The following BCLAF3 variants were observed in gnomAD, a reference collection of about 807,000 sequenced individuals.
BCLAF3 encodes the protein BCLAF1 and THRAP3 family member 3.
A neutral mutation model predicts 51.2 loss-of-function variants in BCLAF3; 24 were observed. The ratio of observed to expected loss-of-function variants is 0.47; its 90% confidence interval spans 0.34 to 0.66. BCLAF3 has a LOEUF of 0.66. Ranked by LOEUF, BCLAF3 falls within the 30% of genes least tolerant of loss-of-function variation. The pLI is 0.01. For synonymous variants in BCLAF3, 152 were observed against 176.6 expected (o/e 0.86, Z 1.10); for missense variants, 465 against 525.1 (o/e 0.89, Z 1.12).
chrX:19,917,694 C>T (rs753681120), intron 11 of BCLAF3, among the ~76,000 whole-genome samples: 15 of 111,872 alleles, frequency 1.3e-4, no homozygotes, highest in Non-Finnish European at 2.8e-4. Flanking sequence ...ACACTACACA[C>T]GCACACCTCA....
intron 10 of BCLAF3, among the ~76,000 whole-genome samples, chrX:19,932,058 A>T (rs189494736): frequency 8.9e-6 from 1 of 112,592 alleles, no homozygotes; most frequent in African/African-American, 3.2e-5. Context: ...TATACCTTTA[A>T]AATAGCAGCC....
At chrX:19,971,499 A>C (rs761054101) in intron 1 of BCLAF3, among the ~76,000 whole-genome samples, 9 of 112,905 alleles carry the variant, frequency 8.0e-5, no homozygotes, top group African/African-American at 2.6e-4. Context: ...GCTAAAACAA[A>C]TAATGTCAAA....
chrX:19,930,670 A>G (rs1228929783), intron 10 of BCLAF3: 1 of 170,078 alleles, frequency 5.9e-6, no homozygotes, highest in Admixed American at 6.7e-5. Flanking sequence ...TCAAAAAAAC[A>G]AAACAAAACT....
At chrX:19,928,544 T>C (rs928580454) in intron 11 of BCLAF3, among the ~76,000 whole-genome samples, 13 of 110,843 alleles carry the variant, frequency 1.2e-4, no homozygotes, top group Admixed American at 2.9e-4. Flanking sequence ...GATCGTGCCA[T>C]TGTACTCCAG....
At chrX:19,928,036 C>A (rs890191764) in intron 11 of BCLAF3, among the ~76,000 whole-genome samples, 4 of 102,894 alleles carry the variant, frequency 3.9e-5, no homozygotes, top group Non-Finnish European at 7.9e-5. Context: ...CCACCATGCC[C>A]AGTTTATTAT....
At chrX:19,969,506 T>C (rs2147979248) in intron 2 of BCLAF3, among the ~76,000 whole-genome samples, 1 of 112,415 alleles carries the variant, frequency 8.9e-6, no homozygotes, top group African/African-American at 3.2e-5. Context: ...TAAAATTGTT[T>C]TCATCTCTTC....
chrX:19,917,867 A>C (rs1238644781), intron 11 of BCLAF3, among the ~76,000 whole-genome samples: 1 of 111,878 alleles, frequency 8.9e-6, no homozygotes, highest in Non-Finnish European at 1.9e-5. Context: ...CAATAAATAC[A>C]GGAAGAAGAA....
rs776870029 is a variant in BCLAF3, at chrX:19,935,218, C to CT, written c.1950+590dup. The CT allele has an allele frequency of 7.8e-4, 86 of 110,528 alleles. 1 individual carries two copies. The highest frequency in any genetic ancestry group is 2.8e-3 in the African/African-American group (85 of 30,432). The allele number at this position is 110,528 out of a possible 1,213,427, so 9.1% of individuals were successfully genotyped here. On this transcript the variant is annotated intron_variant, in intron 10 of 11. Transcript: ENST00000379682. ...AAAAAATGAAATATAATACCTTGTA[C>CT]TATAATTCTTACTCCATATATTTGG...
intron 1 of BCLAF3, among the ~76,000 whole-genome samples, 71 bp downstream of exon 1, chrX:19,990,837 C>G (rs1163504705): frequency 1.8e-5 from 2 of 110,671 alleles, no homozygotes; most frequent in Admixed American, 1.9e-4. Context: ...AGAACCGCCC[C>G]TCCTGGGTGG....
Position 19,970,149 on chromosome X carries a change from T to C in BCLAF3, c.41+75A>G. On this transcript the variant is annotated intron_variant, in intron 2 of 11. Transcript: ENST00000379682. ...AATAACCAGGTCCCATGAGCTTAAG[T>C]GTTTACTAGTACTGGTGAAATTGAA... The C allele has an allele frequency of 3.5e-6, 3 of 858,791 alleles. No individual in the cohort carries two copies. The South Asian group carries it at 6.1e-5, about 17-fold the overall frequency. 70.8% of individuals were successfully genotyped at this position (858,791 alleles called of 1,213,427 possible).
intron 11 of BCLAF3, 106 bp downstream of exon 11, chrX:19,929,679 G>C: frequency 1.3e-6 from 1 of 787,694 alleles, no homozygotes; most frequent in Non-Finnish European, 1.8e-6. Flanking sequence ...TAAAAACCCA[G>C]GTTGTTTCTT....
chrX:19,941,703 T>A (rs376221668), intron 8 of BCLAF3, among the ~76,000 whole-genome samples: 1 of 108,258 alleles, frequency 9.2e-6, no homozygotes, highest in East Asian at 2.9e-4. Context: ...AGTCAGGTAG[T>A]GTGATGCCTC....
intron 1 of BCLAF3, among the ~76,000 whole-genome samples, chrX:19,973,240 A>G (rs1156460182): frequency 8.9e-6 from 1 of 111,831 alleles, no homozygotes; most frequent in East Asian, 2.8e-4. Context: ...TAATCTTGAA[A>G]CATACATGTT....
rs1432164737 is a variant in BCLAF3, at chrX:19,914,395, G to A, written c.*2910C>T. The A allele has an allele frequency of 9.1e-6, 1 of 110,292 alleles. No individual in the cohort carries two copies. Among genetic ancestry groups the A allele is most frequent in the Non-Finnish European group, 1.9e-5 (1 of 52,937 alleles). 9.1% of individuals were successfully genotyped at this position (110,292 alleles called of 1,213,427 possible). On this transcript the variant is annotated 3_prime_UTR_variant, in exon 12 of 12. Transcript: ENST00000379682. ...CTTCCTTCCTTGCTTGGTTGTTCCT[G>A]GTGAATTTGTGCCTGGTGGTTACTG...
chrX:19,971,362 C>T lies in BCLAF3; in HGVS notation c.-34-1064G>A, dbSNP rs192306980. Among the ~76,000 whole-genome samples, 40 of 112,344 alleles carry T rather than the reference C, an allele frequency of 3.6e-4. No individual in the cohort carries two copies. The East Asian group carries it at 3.6e-3, about 10-fold the overall frequency. On this transcript the variant is annotated intron_variant, in intron 1 of 11. Transcript: ENST00000379682. ...CCTCCCAAAGTGCTGGGATTACAGG[C>T]GTGAGCTACCACATCCGGTCAGAAT...
At chrX:19,965,944 C>A in intron 3 of BCLAF3, 136 bp downstream of exon 3, 2 of 607,141 alleles carry the variant, frequency 3.3e-6, no homozygotes, top group Non-Finnish European at 5.1e-6. Context: ...CTACCAGTAC[C>A]CCATAATTAA....
At chrX:19,960,045 C>T (rs1404024375) in intron 4 of BCLAF3, among the ~76,000 whole-genome samples, 4 of 111,798 alleles carry the variant, frequency 3.6e-5, no homozygotes, top group Non-Finnish European at 1.9e-5. Context: ...ATCTGCCTGC[C>T]TCAGCCTCCC....
At chrX:19,960,490 T>C (rs1020610898) in intron 4 of BCLAF3, among the ~76,000 whole-genome samples, 1 of 111,665 alleles carries the variant, frequency 9.0e-6, no homozygotes, top group African/African-American at 3.3e-5. Context: ...GGGTCAAAAA[T>C]AGGAATGAAA....
chrX:19,921,235 C>G (rs181607533), intron 11 of BCLAF3, among the ~76,000 whole-genome samples: 7 of 111,203 alleles, frequency 6.3e-5, no homozygotes, highest in African/African-American at 2.0e-4. Flanking sequence ...TGACTGTGAT[C>G]AAAGAGACTA....
Sources: gnomAD v4.1 joint callset for allele counts (sites outside exome capture counted in the v4.1 genomes callset) on GRCh38, gnomAD v4.1.1 for gene constraint, MANE v1.5 for transcripts, NCBI Gene and HGNC (gene_info 2026-07-23, HGNC 2026-07-21) for gene names.